The following KCNQ5 variants were observed in gnomAD, a reference collection of about 807,000 sequenced individuals.
KCNQ5 encodes the protein potassium voltage-gated channel subfamily Q member 5, also known as potassium voltage-gated channel subfamily KQT member 5.
In KCNQ5, 30 loss-of-function variants were observed where a neutral mutation model predicts 98.2. That is an observed-to-expected ratio of 0.31 (90% CI 0.23 to 0.41). The LOEUF (loss-of-function observed/expected upper bound fraction) is 0.41, where lower values mean the gene tolerates loss of function less well. Among genes scored for constraint, KCNQ5 ranks in the 10% least tolerant of loss-of-function variants. The pLI, the probability that KCNQ5 is intolerant of heterozygous loss-of-function variation, is 1.00. For synonymous variants in KCNQ5, 458 were observed against 449.4 expected (o/e 1.02, Z -0.24); for missense variants, 835 against 1,182.5 (o/e 0.71, Z 4.31).
intron 1 of KCNQ5, among the ~76,000 whole-genome samples, chr6:72,828,040 GA>G (rs1424540537): frequency 6.6e-6 from 1 of 152,024 alleles, no homozygotes; most frequent in African/African-American, 2.4e-5. Flanking sequence ...GTTGGCTGTA[GA>G]TATGTGAATT....
chr6:72,765,567 G>A (rs1772526434), intron 1 of KCNQ5, among the ~76,000 whole-genome samples: 1 of 151,942 alleles, frequency 6.6e-6, no homozygotes, highest in African/African-American at 2.4e-5. Flanking sequence ...ATCAAAAAAG[G>A]TCCTAAGACA....
At chr6:72,955,451 T>A (rs1227805595) in intron 1 of KCNQ5, among the ~76,000 whole-genome samples, 4 of 152,216 alleles carry the variant, frequency 2.6e-5, no homozygotes, top group African/African-American at 9.6e-5. Flanking sequence ...TCTTTTGCCT[T>A]TTAAATCATT....
At chr6:72,701,323 C>A (rs1214349105) in intron 1 of KCNQ5, among the ~76,000 whole-genome samples, 2 of 152,166 alleles carry the variant, frequency 1.3e-5, no homozygotes, top group Admixed American at 1.3e-4. Context: ...CAACTTCAGA[C>A]CCTCTGAAAC....
chr6:72,655,203 A>G (rs1412745962), intron 1 of KCNQ5, among the ~76,000 whole-genome samples: 1 of 151,556 alleles, frequency 6.6e-6, no homozygotes, highest in Non-Finnish European at 1.5e-5. Flanking sequence ...AAAATCCTCC[A>G]CAATAAATCG....
chr6:72,721,233 G>A (rs930301082), intron 1 of KCNQ5, among the ~76,000 whole-genome samples: 1 of 152,178 alleles, frequency 6.6e-6, no homozygotes, highest in African/African-American at 2.4e-5. Context: ...TATTCAGTCA[G>A]TGAGATGTGC....
intron 2 of KCNQ5, among the ~76,000 whole-genome samples, chr6:73,020,407 A>G (rs1383505568): frequency 6.6e-6 from 1 of 152,180 alleles, no homozygotes; most frequent in African/African-American, 2.4e-5. Flanking sequence ...GAAGAGATGC[A>G]TAGGGCAAGG....
intron 1 of KCNQ5, among the ~76,000 whole-genome samples, chr6:72,688,469 A>G (rs1407975938): frequency 6.6e-6 from 1 of 152,178 alleles, no homozygotes; most frequent in Admixed American, 6.5e-5. Flanking sequence ...AGTATACCTA[A>G]AAGGAGAATT....
At chr6:73,102,890 T>C (rs771952937) in intron 5 of KCNQ5, among the ~76,000 whole-genome samples, 1 of 152,144 alleles carries the variant, frequency 6.6e-6, no homozygotes, top group Admixed American at 6.5e-5. Flanking sequence ...GGAGAAGAGC[T>C]TGGAGGTTTC....
At chr6:73,113,103 T>C (rs73452893) in intron 7 of KCNQ5, among the ~76,000 whole-genome samples, 2,732 of 152,306 alleles carry the variant, frequency 0.018, 91 homozygotes, top group African/African-American at 0.061. Context: ...TCACACACTT[T>C]AGGACACACG....
At chr6:73,170,207 C>T (rs1158704404) in intron 11 of KCNQ5, among the ~76,000 whole-genome samples, 3 of 152,016 alleles carry the variant, frequency 2.0e-5, no homozygotes, top group Admixed American at 1.3e-4. Flanking sequence ...GTATTCTGTA[C>T]AGAATTGTAT....
At chr6:72,777,050 G>A (rs905887838) in intron 1 of KCNQ5, among the ~76,000 whole-genome samples, 3 of 152,208 alleles carry the variant, frequency 2.0e-5, no homozygotes, top group Non-Finnish European at 4.4e-5. Flanking sequence ...GTTGTGAAGA[G>A]CTCCATCCAG....
At position 73,077,358 on chromosome 6, in the gene KCNQ5, C is replaced by T; in HGVS notation, c.653C>T (p.Ser218Phe). The T allele has an allele frequency of 6.2e-7, 1 of 1,614,094 alleles. No individual in the cohort carries two copies. The highest frequency in any genetic ancestry group is 8.5e-7 in the Non-Finnish European group (1 of 1,179,994). Residue 218 changes from serine to phenylalanine, a missense_variant, in exon 4 of 14, where the codon TCT (serine) becomes TTT (phenylalanine). Ser to Phe is a radical substitution (Grantham distance 155). Transcript: ENST00000370398. ...IVLIASIAVV[S>F]AKTQGNIFAT... Reference sequence around the variant, plus strand: ...CTTATCGCTTCAATAGCAGTTGTTTCTGCAAAAACTCAGGGTAATATTTTT... The same window carrying T: ...CTTATCGCTTCAATAGCAGTTGTTTTTGCAAAAACTCAGGGTAATATTTTT...
At chr6:73,143,351 A>G (rs531460504) in intron 10 of KCNQ5, 1 of 152,300 alleles carries the variant, frequency 6.6e-6, no homozygotes, top group Non-Finnish European at 1.5e-5. Context: ...CCTCACTAGC[A>G]ATTCTATACT....
intron 3 of KCNQ5, among the ~76,000 whole-genome samples, chr6:73,061,953 T>A (rs1273710693): frequency 6.6e-6 from 1 of 152,166 alleles, no homozygotes; most frequent in Non-Finnish European, 1.5e-5. Flanking sequence ...TTGTTTATTA[T>A]TTTTCCTCAA....
intron 5 of KCNQ5, among the ~76,000 whole-genome samples, chr6:73,078,898 G>T (rs565383252): frequency 1.3e-5 from 2 of 152,346 alleles, no homozygotes; most frequent in African/African-American, 4.8e-5. Context: ...ACAGTCATTG[G>T]AGCTATGCCG....
intron 1 of KCNQ5, among the ~76,000 whole-genome samples, chr6:72,992,724 C>T (rs1390418914): frequency 5.4e-4 from 57 of 106,232 alleles, no homozygotes; most frequent in Non-Finnish European, 6.1e-4. Context: ...GGTGATTTTG[C>T]TCATCAGTTG....
chr6:72,978,774 C>T (rs1768280134), intron 1 of KCNQ5, among the ~76,000 whole-genome samples: 1 of 152,172 alleles, frequency 6.6e-6, no homozygotes, highest in Non-Finnish European at 1.5e-5. Flanking sequence ...GTTTGCTGCA[C>T]CCATTAACTC....
At chr6:72,718,242 A>G (rs1769750912) in intron 1 of KCNQ5, among the ~76,000 whole-genome samples, 1 of 152,134 alleles carries the variant, frequency 6.6e-6, no homozygotes. Context: ...CTTCTAAGAA[A>G]GTTCCTCTAA....
intron 1 of KCNQ5, among the ~76,000 whole-genome samples, chr6:72,898,742 A>G (rs1779356230): frequency 6.6e-6 from 1 of 152,204 alleles, no homozygotes. Flanking sequence ...TCCTTGAGGA[A>G]TTGCCACACT....
Sources: allele counts gnomAD v4.1 joint callset (sites outside exome capture counted in the v4.1 genomes callset), GRCh38; gene constraint gnomAD v4.1.1; transcripts MANE v1.5; gene names NCBI Gene and HGNC (gene_info 2026-07-23, HGNC 2026-07-21).